MYO1E: variants seen among roughly 807,000 people sequenced by gnomAD.
MYO1E encodes unconventional myosin-Ie.
MYO1E carries 68 observed loss-of-function variants against 151.1 expected under a neutral mutation model. That is an observed-to-expected ratio of 0.45 (90% CI 0.37 to 0.55). The LOEUF (loss-of-function observed/expected upper bound fraction) is 0.55. Among genes scored for constraint, MYO1E ranks in the 20% least tolerant of loss-of-function variants. The pLI is 0.00. For synonymous variants in MYO1E, 601 were observed against 501.7 expected, an observed-to-expected ratio of 1.20 and a Z score of -2.64; for missense variants, 1,363 against 1,389.3, an observed-to-expected ratio of 0.98 and a Z score of 0.30.
chr15:59,215,753 C>T (rs1189002444), intron 10 of MYO1E, among the ~76,000 whole-genome samples: 1 of 152,128 alleles, frequency 6.6e-6, no homozygotes, highest in South Asian at 2.1e-4. Context: ...TATGAGTATT[C>T]ATGTACTGGT....
intron 1 of MYO1E, among the ~76,000 whole-genome samples, chr15:59,335,097 G>A (rs1217977058): frequency 4.6e-5 from 7 of 152,156 alleles, no homozygotes; most frequent in South Asian, 4.1e-4. Context: ...GGGTCAAACC[G>A]TGAAAGAGAA....
intron 1 of MYO1E, among the ~76,000 whole-genome samples, chr15:59,340,879 G>A (rs1205188527): frequency 1.3e-5 from 2 of 151,482 alleles, no homozygotes; most frequent in African/African-American, 4.9e-5. Flanking sequence ...AAAATCAGCT[G>A]GGCGTGGTGG....
intron 1 of MYO1E, among the ~76,000 whole-genome samples, chr15:59,281,618 T>A (rs745597446): frequency 1.7e-4 from 26 of 152,140 alleles, no homozygotes; most frequent in Non-Finnish European, 3.7e-4. Flanking sequence ...TTGCAATCTT[T>A]CCTAAACCTC....
rs2414623 is a variant in MYO1E, at chr15:59,205,238, G to C, written c.1616+162C>G. ...TATTGACAGGAGTGATCACAGCTCA[G>C]TGCAGCCTCAAACTCCTAGGATCAA... On this transcript the variant is annotated intron_variant, in intron 15 of 27. Transcript: ENST00000288235. Among the ~76,000 whole-genome samples the C allele has an allele frequency of 0.39, 59,662 of 151,988 alleles. 12,191 individuals are homozygous for C. The highest frequency in any genetic ancestry group is 0.62 in the East Asian group (3,186 of 5,166).
chr15:59,310,467 A>G (rs1207613109), intron 1 of MYO1E, among the ~76,000 whole-genome samples: 1 of 152,214 alleles, frequency 6.6e-6, no homozygotes, highest in Non-Finnish European at 1.5e-5. Flanking sequence ...AAACAGACAC[A>G]GGGAGAAGGT....
At chr15:59,198,326 C>T (rs945719975) in intron 16 of MYO1E, among the ~76,000 whole-genome samples, 3 of 152,176 alleles carry the variant, frequency 2.0e-5, no homozygotes, top group Non-Finnish European at 2.9e-5. Flanking sequence ...CAGTGAGAAA[C>T]GGCTCAGGGT....
intron 5 of MYO1E, among the ~76,000 whole-genome samples, chr15:59,233,537 G>A (rs949857655): frequency 5.9e-5 from 9 of 151,932 alleles, no homozygotes; most frequent in African/African-American, 9.7e-5. Context: ...AGTGGTGCAC[G>A]CCTGTAGTCC....
chr15:59,141,963 C>T (rs566343156), intron 26 of MYO1E, among the ~76,000 whole-genome samples: 6 of 150,542 alleles, frequency 4.0e-5, no homozygotes, highest in South Asian at 2.1e-4. Context: ...AAAAATTAGC[C>T]GGGCGTGGTG....
chr15:59,200,741 C>T (rs1166299709), intron 16 of MYO1E, among the ~76,000 whole-genome samples: 1 of 152,212 alleles, frequency 6.6e-6, no homozygotes, highest in African/African-American at 2.4e-5. Context: ...GCCTCAGGCA[C>T]TGCGTTACAT....
rs370992680 is a variant in MYO1E, at chr15:59,148,419, C to G, written c.3080+5171G>C. Among the ~76,000 whole-genome samples the G allele has an allele frequency of 7.9e-5, 12 of 152,230 alleles. No homozygotes were observed. In the East Asian group the frequency reaches 9.6e-4, roughly 12 times the overall value. ...GTCGGGGGAGCTAGGATTAAGCTTTCGAATATCACCTCTTTGTTCTGCAGA... is the reference window on the plus strand; with the variant it reads ...GTCGGGGGAGCTAGGATTAAGCTTTGGAATATCACCTCTTTGTTCTGCAGA... On this transcript the variant is annotated intron_variant, in intron 26 of 27. Coordinates refer to ENST00000288235, the MANE Select transcript of MYO1E (RefSeq NM_004998.4).
At chr15:59,188,311 T>G in intron 17 of MYO1E, 95 bp from the exon 18 acceptor site, 1 of 895,334 alleles carries the variant, frequency 1.1e-6, no homozygotes, top group South Asian at 1.3e-5. Context: ...TTCCAAGCTG[T>G]AGGGAAACAT....
At chr15:59,342,024 T>A (rs1370926069) in intron 1 of MYO1E, among the ~76,000 whole-genome samples, 1 of 152,216 alleles carries the variant, frequency 6.6e-6, no homozygotes, top group Non-Finnish European at 1.5e-5. Context: ...TTTCTTCACA[T>A]CCTTGCCAGC....
chr15:59,323,309 C>T (rs1288030789), intron 1 of MYO1E, among the ~76,000 whole-genome samples: 1 of 151,524 alleles, frequency 6.6e-6, no homozygotes, highest in Non-Finnish European at 1.5e-5. Context: ...AATTTCTGAA[C>T]ATGAAACATA....
At chr15:59,371,503 A>C (rs1409510703) in intron 1 of MYO1E, among the ~76,000 whole-genome samples, 1 of 151,976 alleles carries the variant, frequency 6.6e-6, no homozygotes, top group Admixed American at 6.6e-5. Context: ...CCCGCAAAGA[A>C]AAGTACACCA....
At chr15:59,195,711 T>G (rs1243833055) in intron 16 of MYO1E, 144 bp from the exon 17 acceptor site, 6 of 833,252 alleles carry the variant, frequency 7.2e-6, no homozygotes, top group East Asian at 5.2e-5. Flanking sequence ...ATAACTCAGG[T>G]CTACTAAACT....
chr15:59,226,942 C>G (rs1446671396), intron 7 of MYO1E, among the ~76,000 whole-genome samples: 1 of 152,220 alleles, frequency 6.6e-6, no homozygotes, highest in African/African-American at 2.4e-5. Context: ...GGCAACTTTT[C>G]AATTTGGCAT....
chr15:59,335,296 G>A (rs1404441358), intron 1 of MYO1E, among the ~76,000 whole-genome samples: 1 of 152,052 alleles, frequency 6.6e-6, no homozygotes, highest in African/African-American at 2.4e-5. Context: ...GTAAAAGGTG[G>A]ACTAGCATCA....
chr15:59,296,841 T>C (rs1339556840), intron 1 of MYO1E, among the ~76,000 whole-genome samples: 1 of 89,116 alleles, frequency 1.1e-5, no homozygotes, highest in Non-Finnish European at 2.2e-5. Flanking sequence ...ACTTTTTTCT[T>C]TTTTTTTTTT....
chr15:59,215,756 G>A (rs1238439895), intron 10 of MYO1E, among the ~76,000 whole-genome samples: 1 of 152,150 alleles, frequency 6.6e-6, no homozygotes, highest in African/African-American at 2.4e-5. Context: ...GAGTATTCAT[G>A]TACTGGTACT....
Sources: gnomAD v4.1 joint callset for allele counts (sites outside exome capture counted in the v4.1 genomes callset) on GRCh38, gnomAD v4.1.1 for gene constraint, MANE v1.5 for transcripts, NCBI Gene and HGNC (gene_info 2026-07-23, HGNC 2026-07-21) for gene names.